The following RFX4 variants were observed in gnomAD, a reference collection of about 807,000 sequenced individuals.
The protein encoded by RFX4 is regulatory factor X4.
In RFX4, 10 loss-of-function variants were observed where a neutral mutation model predicts 95.0. That is an observed-to-expected ratio of 0.11 (90% CI 0.06 to 0.18). The LOEUF (loss-of-function observed/expected upper bound fraction) is 0.18. Ranked by LOEUF, RFX4 falls within the 10% of genes least tolerant of loss-of-function variation. The pLI is 1.00. For missense variants in RFX4, 640 were observed against 922.0 expected, an observed-to-expected ratio of 0.69 and a Z score of 3.96; for synonymous variants, 321 against 340.7, an observed-to-expected ratio of 0.94 and a Z score of 0.64.
intron 4 of RFX4, among the ~76,000 whole-genome samples, chr12:106,656,903 T>C (rs2040971941): frequency 6.6e-6 from 1 of 152,190 alleles, no homozygotes; most frequent in Non-Finnish European, 1.5e-5. Flanking sequence ...CCGAACTCCA[T>C]CTTATCTTCA....
At chr12:106,684,875 C>T (rs773337962) in intron 5 of RFX4, 26 of 1,605,412 alleles carry the variant, frequency 1.6e-5, no homozygotes, top group Non-Finnish European at 2.0e-5. Flanking sequence ...CAGATAGATT[C>T]GAGATGCCCA....
intron 11 of RFX4, among the ~76,000 whole-genome samples, chr12:106,719,382 C>A (rs998418847): frequency 6.6e-6 from 1 of 152,192 alleles, no homozygotes; most frequent in Non-Finnish European, 1.5e-5. Context: ...AAGAGAGCAG[C>A]AATGCCTCAC....
At chr12:106,649,370 C>T (rs2040817391) in intron 3 of RFX4, among the ~76,000 whole-genome samples, 1 of 152,210 alleles carries the variant, frequency 6.6e-6, no homozygotes. Context: ...ATGCCAATTA[C>T]ATCCATTTGT....
At chr12:106,644,061 A>T (rs2040690558) in intron 3 of RFX4, among the ~76,000 whole-genome samples, 1 of 152,156 alleles carries the variant, frequency 6.6e-6, no homozygotes. Flanking sequence ...GATGTATCAC[A>T]CTAAAAATAT....
At position 106,725,565 on chromosome 12, in the gene RFX4, A is replaced by G. The variant is rs544382449; in HGVS notation, c.1351+4689A>G. On this transcript the variant is annotated intron_variant, in intron 13 of 17. Coordinates refer to ENST00000392842, the MANE Select transcript of RFX4 (RefSeq NM_213594.3). Reference sequence around the variant, plus strand: ...TTTGTCTTTTTTAGGAATACTAGGTAACTTTAGGCTTTGTTGGAGAAATTT... The same window carrying G: ...TTTGTCTTTTTTAGGAATACTAGGTGACTTTAGGCTTTGTTGGAGAAATTT... Among the ~76,000 whole-genome samples the G allele has an allele frequency of 2.0e-5, 3 of 152,360 alleles. No individual in the cohort carries two copies. In the South Asian group the frequency reaches 6.2e-4, roughly 32 times the overall value.
Position 106,587,537 on chromosome 12 carries a change from C to A in RFX4, c.43+4174C>A, listed in dbSNP as rs576827835. The stretch of plus-strand genomic sequence containing the variant: ...TGGACCATCCTGCTTCCCAGAGGCT[C>A]CGAGGTCTCTAATTTCTCTCCAGCA... On this transcript the variant is annotated intron_variant, in intron 1 of 17. Coordinates refer to ENST00000392842, the MANE Select transcript of RFX4 (RefSeq NM_213594.3). Among the ~76,000 whole-genome samples, 36 of 152,280 alleles carry A rather than the reference C, an allele frequency of 2.4e-4. 1 individual carries two copies. In the East Asian group the frequency reaches 6.2e-3, roughly 26 times the overall value.
chr12:106,608,780 C>CTTTTTTTT lies in RFX4; in HGVS notation c.44-10_44-3dup. On this transcript the variant is annotated splice_polypyrimidine_tract_variant and intron_variant, in intron 1 of 17. Transcript: ENST00000392842. ...TTCTTTTTCTTTTCTTTCTTTCTTTCTTTTTTTTTTTTTTAGAGAGCTGGA... is the reference window on the plus strand; with the variant it reads ...TTCTTTTTCTTTTCTTTCTTTCTTTCTTTTTTTTTTTTTTTTTTTTTTAGAGAGCTGGA... 2.1e-6 allele frequency: 3 copies of CTTTTTTTT among 1,421,328 alleles called. No homozygotes were observed. Among genetic ancestry groups the CTTTTTTTT allele is most frequent in the East Asian group, 2.4e-5 (1 of 40,908 alleles). 88.0% of individuals were successfully genotyped at this position (1,421,328 alleles called of 1,614,324 possible).
chr12:106,750,034 C>A (rs920188971), intron 16 of RFX4, among the ~76,000 whole-genome samples: 4 of 152,194 alleles, frequency 2.6e-5, no homozygotes, highest in Non-Finnish European at 1.5e-5. Flanking sequence ...GTTTCCATCA[C>A]TAATGATGTT....
chr12:106,664,980 C>T (rs1017010672), intron 4 of RFX4, among the ~76,000 whole-genome samples: 1 of 151,796 alleles, frequency 6.6e-6, no homozygotes, highest in African/African-American at 2.4e-5. Context: ...AATATATATT[C>T]TGCTATTTTT....
intron 13 of RFX4, among the ~76,000 whole-genome samples, chr12:106,728,219 C>T (rs577371405): frequency 5.9e-5 from 9 of 151,854 alleles, no homozygotes; most frequent in Non-Finnish European, 1.2e-4. Flanking sequence ...AATCCTAATG[C>T]CTTTTTCCAT....
At chr12:106,734,907 T>C (rs1215521489) in intron 15 of RFX4, among the ~76,000 whole-genome samples, 2 of 151,792 alleles carry the variant, frequency 1.3e-5, no homozygotes, top group African/African-American at 4.8e-5. Context: ...ACACAAGCTT[T>C]TTAAAAAAGT....
intron 4 of RFX4, 49 bp from the exon 5 acceptor site, chr12:106,681,944 T>C (rs749058234): frequency 1.3e-6 from 2 of 1,598,746 alleles, no homozygotes; most frequent in South Asian, 1.1e-5. Context: ...TCAGTCACTA[T>C]GCTCCCAACT....
chr12:106,676,155 G>C (rs971050676), intron 4 of RFX4, among the ~76,000 whole-genome samples: 1 of 152,172 alleles, frequency 6.6e-6, no homozygotes, highest in African/African-American at 2.4e-5. Flanking sequence ...CATGGTTTGG[G>C]AAAGGCGAGC....
chr12:106,648,081 G>A (rs2040783679), intron 3 of RFX4, among the ~76,000 whole-genome samples: 1 of 152,162 alleles, frequency 6.6e-6, no homozygotes, highest in South Asian at 2.1e-4. Context: ...AACAGCAGCT[G>A]GCATTTAGAC....
At chr12:106,698,280 AT>A (rs1046421595) in intron 8 of RFX4, among the ~76,000 whole-genome samples, 7 of 149,868 alleles carry the variant, frequency 4.7e-5, no homozygotes, top group African/African-American at 1.5e-4. Context: ...TGGCCAATTA[AT>A]TTTTTTTTAA....
intron 8 of RFX4, among the ~76,000 whole-genome samples, chr12:106,697,480 T>C (rs1265658584): frequency 1.3e-5 from 2 of 151,336 alleles, no homozygotes; most frequent in Non-Finnish European, 2.9e-5. Context: ...AGTGCATTAG[T>C]TTCCTGTAAC....
At chr12:106,724,598 T>C (rs2042455058) in intron 13 of RFX4, among the ~76,000 whole-genome samples, 2 of 152,312 alleles carry the variant, frequency 1.3e-5, no homozygotes. Flanking sequence ...ATCTTTTAAG[T>C]GTTGAGAACA....
At chr12:106,583,613 C>A in intron 1 of RFX4, 3 of 373,964 alleles carry the variant, frequency 8.0e-6, no homozygotes, top group Non-Finnish European at 1.4e-5. Flanking sequence ...CGAAGGAGCG[C>A]GCTTTCGCTT....
Position 106,583,126 on chromosome 12 carries a change from CTTCT to C in RFX4, c.-190_-187del, listed in dbSNP as rs1050405154. On this transcript the variant is annotated 5_prime_UTR_variant, in exon 1 of 18. Coordinates refer to ENST00000392842, the MANE Select transcript of RFX4 (RefSeq NM_213594.3). ...CTTCTCTCCCTCTCTCTCCTCTTTT[CTTCT>C]TTCTCTTTTCTTTCCTCTTCTTTTT... is the stretch of plus-strand genomic sequence containing the variant. The C allele has an allele frequency of 2.8e-5, 13 of 472,036 alleles. No homozygotes were observed. Among genetic ancestry groups the C allele is most frequent in the South Asian group, 5.2e-5 (1 of 19,296 alleles). 29.2% of individuals were successfully genotyped at this position (472,036 alleles called of 1,614,324 possible).
Sources: allele counts gnomAD v4.1 joint callset (sites outside exome capture counted in the v4.1 genomes callset), GRCh38; gene constraint gnomAD v4.1.1; transcripts MANE v1.5; gene names NCBI Gene and HGNC (gene_info 2026-07-23, HGNC 2026-07-21).